Variants in KDM7A observed in about 807,000 individuals in gnomAD.
The protein encoded by KDM7A is lysine demethylase 7A, also known as lysine-specific demethylase 7A.
A neutral mutation model predicts 114.8 loss-of-function variants in KDM7A; 28 were observed. That is an observed-to-expected ratio of 0.24 (90% CI 0.18 to 0.33). The LOEUF is 0.33. Ranked by LOEUF, KDM7A falls within the 10% of genes least tolerant of loss-of-function variation. KDM7A has a pLI of 1.00. For synonymous variants in KDM7A, 423 were observed against 397.8 expected (o/e 1.06, Z -0.75); for missense variants, 942 against 1,142.5 (o/e 0.82, Z 2.53).
At chr7:140,128,830 C>T (rs74618131) in intron 4 of KDM7A, among the ~76,000 whole-genome samples, 1,592 of 152,288 alleles carry the variant, frequency 0.01, 22 homozygotes, top group African/African-American at 0.037. Flanking sequence ...ATGACATCTA[C>T]ATATAGTCAG....
At chr7:140,154,075 G>T (rs546202951) in intron 1 of KDM7A, among the ~76,000 whole-genome samples, 3 of 152,180 alleles carry the variant, frequency 2.0e-5, no homozygotes, top group Admixed American at 6.5e-5. Flanking sequence ...CATGGTGACT[G>T]AAATTTGAAT....
intron 2 of KDM7A, among the ~76,000 whole-genome samples, chr7:140,135,223 G>A (rs946810085): frequency 1.6e-5 from 1 of 61,186 alleles, no homozygotes; most frequent in South Asian, 4.4e-4. Flanking sequence ...TTTTTTTTTT[G>A]AGACAGAGTC....
At chr7:140,122,331 T>G (rs1425811726) in intron 7 of KDM7A, among the ~76,000 whole-genome samples, 1 of 151,114 alleles carries the variant, frequency 6.6e-6, no homozygotes, top group Non-Finnish European at 1.5e-5. Flanking sequence ...TTTAAAAAAT[T>G]ATTCTATGAA....
In KDM7A at chr7:140,129,520, A is replaced by G. The variant is rs1366042536; in HGVS notation, c.532T>C (p.Ser178Pro). Residue 178 changes from serine to proline, a missense_variant, in exon 4 of 20, where the codon TCT (serine) becomes CCT (proline). Coordinates refer to ENST00000397560, the MANE Select transcript of KDM7A (RefSeq NM_030647.2). Reference protein sequence around the residue: ...LGLRLPSPTFSVMDVERYVGG... With the variant: ...LGLRLPSPTFPVMDVERYVGG... ...ACATAACGTTCCACATCCATCACAG[A>G]AAATGTAGGTGAAGGGAGCCTGAGT... 1 of 1,613,572 alleles carries G rather than the reference A, an allele frequency of 6.2e-7. No homozygotes were observed. The highest frequency in any genetic ancestry group is 2.2e-5 in the East Asian group (1 of 44,862).
chr7:140,131,056 A>G (rs1818778147), intron 3 of KDM7A, among the ~76,000 whole-genome samples: 1 of 151,412 alleles, frequency 6.6e-6, no homozygotes, highest in Non-Finnish European at 1.5e-5. Flanking sequence ...TTTAGTAGAG[A>G]CAGGGTTTCA....
rs1817956539 is a variant in KDM7A at position 140,087,870 on chromosome 7, C to G, written c.*3224G>C. 1 of 152,100 alleles carries G rather than the reference C, an allele frequency of 6.6e-6. No individual in the cohort carries two copies. The highest frequency in any genetic ancestry group is 6.6e-5 in the Admixed American group (1 of 15,264). 9.4% of individuals were successfully genotyped at this position (152,100 alleles called of 1,614,324 possible). On this transcript the variant is annotated 3_prime_UTR_variant, in exon 20 of 20. Coordinates refer to ENST00000397560, the MANE Select transcript of KDM7A (RefSeq NM_030647.2). ...CAGCATGTTTTTTAATGAACAGGTCCTCTTTTGCTCATGTTTGCTTAGAAG... is the reference window on the plus strand; with the variant it reads ...CAGCATGTTTTTTAATGAACAGGTCGTCTTTTGCTCATGTTTGCTTAGAAG...
chr7:140,103,778 C>T (rs1188381911), intron 11 of KDM7A, among the ~76,000 whole-genome samples: 1 of 152,172 alleles, frequency 6.6e-6, no homozygotes, highest in Admixed American at 6.5e-5. Flanking sequence ...CATACGTGTG[C>T]ATGTGTCTTT....
At chr7:140,175,358 A>G (rs930695083) in intron 1 of KDM7A, among the ~76,000 whole-genome samples, 8 of 152,144 alleles carry the variant, frequency 5.3e-5, no homozygotes, top group African/African-American at 1.9e-4. Context: ...GTGTTTCTGT[A>G]AAATTGGGGA....
At position 140,126,813 on chromosome 7, in the gene KDM7A, A is replaced by G. The variant is rs1292092592; in HGVS notation, c.712T>C (p.Leu238=). The stretch of plus-strand genomic sequence containing the variant: ...TTGGCTATATCAGGGACCTCCACCA[A>G]TTCAGACATCCTTTCAAAAAACAAA... ...LEFSDTKMSE[L]VEVPDIAKKL... is the part of the protein sequence containing the mutation. The change falls in exon 6 of 20, where the codon TTG becomes CTG. Residue 238 remains leucine (L), a synonymous_variant. Transcript: ENST00000397560. 1.9e-6 allele frequency: 3 copies of G among 1,611,956 alleles called. 1 individual carries two copies. The Middle Eastern group carries it at 5.0e-4, about 267-fold the overall frequency.
rs1169243080 is a variant in KDM7A, at chr7:140,087,412, C to G, written c.*3682G>C. 2 of 152,140 alleles carry G rather than the reference C, an allele frequency of 1.3e-5. No homozygotes were observed. The highest frequency in any genetic ancestry group is 3.8e-4 in the East Asian group (2 of 5,206). The allele number at this position is 152,140 out of a possible 1,614,324, so 9.4% of individuals were successfully genotyped here. On this transcript the variant is annotated 3_prime_UTR_variant, in exon 20 of 20. Transcript: ENST00000397560. Reference sequence around the variant, plus strand: ...ACGAAATCTGATTTTAATCCAGCACCTTGTTGGAGATTCCTCGGATTTTTA... The same window carrying G: ...ACGAAATCTGATTTTAATCCAGCACGTTGTTGGAGATTCCTCGGATTTTTA...
At position 140,126,827 on chromosome 7, in the gene KDM7A, TC is replaced by T. The variant is rs764364077; in HGVS notation, c.702-5del. 7.5e-6 allele frequency: 12 copies of T among 1,608,098 alleles called. No homozygotes were observed. Among genetic ancestry groups the T allele is most frequent in the Non-Finnish European group, 9.3e-6 (11 of 1,177,034 alleles). ...GACCTCCACCAATTCAGACATCCTTTCAAAAAACAAACATACACACACACCC... is the reference window on the plus strand; with the variant it reads ...GACCTCCACCAATTCAGACATCCTTTAAAAAACAAACATACACACACACCC... On this transcript the variant is annotated splice_polypyrimidine_tract_variant and splice_region_variant and intron_variant, in intron 5 of 19. Transcript: ENST00000397560.
In KDM7A at chr7:140,139,045, T is replaced by C. The variant is rs1046617628; in HGVS notation, c.280+60A>G. ...TCATTAAAGTATTACCATGTACATGTAAGTTTGAAATGTCAGTTTTTCTGA... is the reference window on the plus strand; with the variant it reads ...TCATTAAAGTATTACCATGTACATGCAAGTTTGAAATGTCAGTTTTTCTGA... On this transcript the variant is annotated intron_variant, in intron 2 of 19. Coordinates refer to ENST00000397560, the MANE Select transcript of KDM7A (RefSeq NM_030647.2). The C allele has an allele frequency of 3.8e-6, 4 of 1,053,036 alleles. No individual in the cohort carries two copies. In the African/African-American group the frequency reaches 6.3e-5, roughly 16 times the overall value. The allele number at this position is 1,053,036 out of a possible 1,614,324, so 65.2% of individuals were successfully genotyped here.
chr7:140,161,790 C>T (rs6959999), intron 1 of KDM7A, among the ~76,000 whole-genome samples: 1 of 151,752 alleles, frequency 6.6e-6, no homozygotes, highest in African/African-American at 2.4e-5. Context: ...GTGATCCGCC[C>T]GCCTCGGCCT....
chr7:140,140,794 A>C (rs1562956385), intron 1 of KDM7A, among the ~76,000 whole-genome samples: 1 of 151,918 alleles, frequency 6.6e-6, no homozygotes, highest in Non-Finnish European at 1.5e-5. Context: ...ACTGAATACT[A>C]TTCAGTGTTC....
chr7:140,154,889 GATTTAA>G (rs1794441626), intron 1 of KDM7A, among the ~76,000 whole-genome samples: 1 of 151,942 alleles, frequency 6.6e-6, no homozygotes, highest in Non-Finnish European at 1.5e-5. Context: ...ACAACTTTAT[GATTTAA>G]ATTTACAAAA....
chr7:140,124,602 G>A lies in KDM7A; in HGVS notation c.1051+19C>T. 1.3e-6 allele frequency: 2 copies of A among 1,589,658 alleles called. No individual in the cohort carries two copies. Among genetic ancestry groups the A allele is most frequent in the Non-Finnish European group, 1.7e-6 (2 of 1,166,824 alleles). ...TGACTATCAATCATGTTGAGTAGGG[G>A]ATGGGATGAAAACCTTACCTGTAGG... is the stretch of plus-strand genomic sequence containing the variant. On this transcript the variant is annotated intron_variant, in intron 7 of 19. Transcript: ENST00000397560.
At chr7:140,097,429 G>T in intron 15 of KDM7A, 116 bp downstream of exon 15, 3 of 626,972 alleles carry the variant, frequency 4.8e-6, no homozygotes, top group Non-Finnish European at 8.6e-6. Context: ...CTGTGCTAAT[G>T]TAAGTCAGAC....
rs1276685388 is a variant in KDM7A, at chr7:140,111,052, G to A, written c.1428+43C>T. 5 of 1,083,156 alleles carry A rather than the reference G, an allele frequency of 4.6e-6. No homozygotes were observed. The African/African-American group carries it at 7.8e-5, about 17-fold the overall frequency. 67.1% of individuals were successfully genotyped at this position (1,083,156 alleles called of 1,614,324 possible). ...GGAATAGATCCATTTGCTTCTCAAA[G>A]CAGATAATAATCAAGCATTTACATG... On this transcript the variant is annotated intron_variant, in intron 11 of 19. Coordinates refer to ENST00000397560, the MANE Select transcript of KDM7A (RefSeq NM_030647.2).
At chr7:140,111,946 A>AG (rs1260327737) in intron 10 of KDM7A, among the ~76,000 whole-genome samples, 2 of 146,388 alleles carry the variant, frequency 1.4e-5, no homozygotes, top group Non-Finnish European at 3.0e-5. Context: ...CTCTGTCTCA[A>AG]AAAAAAAAAA....
Sources: gnomAD v4.1 joint callset for allele counts (sites outside exome capture counted in the v4.1 genomes callset) on GRCh38, gnomAD v4.1.1 for gene constraint, MANE v1.5 for transcripts, NCBI Gene and HGNC (gene_info 2026-07-23, HGNC 2026-07-21) for gene names.